DMRT1: variants seen among roughly 807,000 people sequenced by gnomAD.
The protein encoded by DMRT1 is doublesex- and mab-3-related transcription factor 1.
DMRT1 carries 7 observed loss-of-function variants against 32.3 expected under a neutral mutation model. The observed-to-expected ratio is 0.22, with a 90% CI of 0.12 to 0.41. DMRT1 has a LOEUF of 0.41. Among genes scored for constraint, DMRT1 ranks in the 10% least tolerant of loss-of-function variants. DMRT1 has a pLI of 1.00. For missense variants in DMRT1, 625 were observed against 500.5 expected (o/e 1.25, Z -2.37); for synonymous variants, 278 against 206.1 (o/e 1.35, Z -2.99).
At chr9:866,473 T>G (rs62529823) in intron 2 of DMRT1, among the ~76,000 whole-genome samples, 121,985 of 151,884 alleles carry the variant, frequency 0.8, 49,436 homozygotes, top group Admixed American at 0.88. Flanking sequence ...TTTACCCCGT[T>G]GTGGGGATAG....
chr9:857,880 G>T (rs1815470948), intron 2 of DMRT1, among the ~76,000 whole-genome samples: 1 of 147,926 alleles, frequency 6.8e-6, no homozygotes. Context: ...TGTGGTGGTT[G>T]GTGTTTTGTC....
At chr9:866,974 C>A (rs1012947864) in intron 2 of DMRT1, among the ~76,000 whole-genome samples, 1 of 151,972 alleles carries the variant, frequency 6.6e-6, no homozygotes, top group African/African-American at 2.4e-5. Flanking sequence ...TCATGAAGCA[C>A]CTGGGGTTTG....
chr9:958,198 C>T (rs186717405), intron 4 of DMRT1, among the ~76,000 whole-genome samples: 3 of 152,018 alleles, frequency 2.0e-5, no homozygotes, highest in Middle Eastern at 3.4e-3. Context: ...TATGAGTCTC[C>T]CAGTAGTAAA....
chr9:872,871 C>A (rs148622962), intron 2 of DMRT1, among the ~76,000 whole-genome samples: 3 of 152,058 alleles, frequency 2.0e-5, no homozygotes, highest in African/African-American at 7.2e-5. Flanking sequence ...GCGGGTGCAC[C>A]GTTTTACATT....
Position 968,117 on chromosome 9 carries a change from C to CCGTCAT in DMRT1, c.1103_1108dup (p.Val368_Ile369dup). 6.2e-7 allele frequency: 1 copy of CCGTCAT among 1,613,638 alleles called. No homozygotes were observed. The highest frequency in any genetic ancestry group is 8.5e-7 in the Non-Finnish European group (1 of 1,180,020). On this transcript the variant is annotated inframe_insertion, in exon 5 of 5. Coordinates refer to ENST00000382276, the MANE Select transcript of DMRT1 (RefSeq NM_021951.3). ...GAGCCCAGCAGCTTCACAGTCACTC[C>CCGTCAT]CGTCATCGAGGAGGACGAGTGAGCA...
chr9:919,851 T>C (rs556116743), intron 4 of DMRT1, among the ~76,000 whole-genome samples: 83 of 152,262 alleles, frequency 5.5e-4, no homozygotes, highest in African/African-American at 2.0e-3. Context: ...ATTTTAAAGA[T>C]AGAACCAACA....
At chr9:921,901 A>T (rs542469372) in intron 4 of DMRT1, among the ~76,000 whole-genome samples, 1 of 152,096 alleles carries the variant, frequency 6.6e-6, no homozygotes, top group East Asian at 1.9e-4. Context: ...GCATCACGAC[A>T]CAGCCCTCCA....
intron 2 of DMRT1, among the ~76,000 whole-genome samples, chr9:883,423 A>C (rs1816807944): frequency 6.6e-6 from 1 of 151,938 alleles, no homozygotes; most frequent in South Asian, 2.1e-4. Flanking sequence ...CTCAGTGAGG[A>C]GCATCCCAGT....
chr9:876,873 C>A (rs1451306918), intron 2 of DMRT1, among the ~76,000 whole-genome samples: 1 of 152,170 alleles, frequency 6.6e-6, no homozygotes, highest in Non-Finnish European at 1.5e-5. Context: ...CCACGGCTCC[C>A]TTTTCCCCTT....
Position 968,117 on chromosome 9 carries a change from C to G in DMRT1, c.1100C>G (p.Pro367Arg). Reference sequence around the variant, plus strand: ...GAGCCCAGCAGCTTCACAGTCACTCCCGTCATCGAGGAGGACGAGTGAGCA... The same window carrying G: ...GAGCCCAGCAGCTTCACAGTCACTCGCGTCATCGAGGAGGACGAGTGAGCA... ...ASEPSSFTVT[P>R]VIEEDE The change falls in exon 5 of 5, where the codon CCC (proline) becomes CGC (arginine). Residue 367 changes from proline to arginine, a missense_variant. Transcript: ENST00000382276. The G allele has an allele frequency of 1.9e-6, 3 of 1,613,638 alleles. No individual in the cohort carries two copies. Among genetic ancestry groups the G allele is most frequent in the Non-Finnish European group, 2.5e-6 (3 of 1,180,020 alleles).
chr9:926,613 T>C (rs561119063), intron 4 of DMRT1, among the ~76,000 whole-genome samples: 5 of 152,246 alleles, frequency 3.3e-5, no homozygotes, highest in African/African-American at 9.6e-5. Flanking sequence ...GTAAAAGCTA[T>C]AGATTGAATA....
intron 4 of DMRT1, among the ~76,000 whole-genome samples, chr9:933,653 T>G (rs1818796061): frequency 6.6e-6 from 1 of 152,210 alleles, no homozygotes; most frequent in South Asian, 2.1e-4. Context: ...ATAGGGTTAT[T>G]TAAATTTTAA....
intron 2 of DMRT1, among the ~76,000 whole-genome samples, chr9:853,980 T>C (rs1815277713): frequency 6.6e-6 from 1 of 151,462 alleles, no homozygotes; most frequent in South Asian, 2.1e-4. Context: ...AATTTTTCTT[T>C]CTGTGGAGAC....
At chr9:925,239 C>T (rs1818482960) in intron 4 of DMRT1, among the ~76,000 whole-genome samples, 1 of 152,126 alleles carries the variant, frequency 6.6e-6, no homozygotes, top group Non-Finnish European at 1.5e-5. Context: ...GAGTAAGAAA[C>T]CAACTGTGGA....
At position 898,322 on chromosome 9, in the gene DMRT1, G is replaced by C. The variant is rs181745433; in HGVS notation, c.822+4127G>C. On this transcript the variant is annotated intron_variant, in intron 3 of 4. Coordinates refer to ENST00000382276, the MANE Select transcript of DMRT1 (RefSeq NM_021951.3). ...TTTAGTGGACATGGGGTTTCACCAT[G>C]TTGTCCAGGCTGTTCTCAAACTCCT... 7.9e-5 allele frequency among the ~76,000 whole-genome samples: 12 copies of C among 152,226 alleles called. No homozygotes were observed. In the East Asian group the frequency reaches 2.3e-3, roughly 29 times the overall value.
chr9:929,680 A>G (rs1818644479), intron 4 of DMRT1, among the ~76,000 whole-genome samples: 4 of 152,130 alleles, frequency 2.6e-5, no homozygotes, highest in Admixed American at 6.5e-5. Flanking sequence ...ATGGAAATTT[A>G]TACTTTTCAT....
chr9:903,327 T>C (rs1817658684), intron 3 of DMRT1, among the ~76,000 whole-genome samples: 1 of 151,884 alleles, frequency 6.6e-6, no homozygotes, highest in Non-Finnish European at 1.5e-5. Context: ...CGGCTTTCTG[T>C]TTCTAGGTGA....
At chr9:847,334 C>G (rs929405921) in intron 2 of DMRT1, among the ~76,000 whole-genome samples, 191 bp downstream of exon 2, 1 of 152,222 alleles carries the variant, frequency 6.6e-6, no homozygotes, top group East Asian at 1.9e-4. Context: ...TCTAGAAATG[C>G]AGGTTCAACT....
chr9:955,819 A>G (rs927026702), intron 4 of DMRT1, among the ~76,000 whole-genome samples: 5 of 152,226 alleles, frequency 3.3e-5, no homozygotes, highest in African/African-American at 7.2e-5. Context: ...GGTAAGTTGG[A>G]ACTCTTGTGC....
Sources: gnomAD v4.1 joint callset for allele counts (sites outside exome capture counted in the v4.1 genomes callset) on GRCh38, gnomAD v4.1.1 for gene constraint, MANE v1.5 for transcripts, NCBI Gene and HGNC (gene_info 2026-07-23, HGNC 2026-07-21) for gene names.